The following ACYP2 variants were observed in gnomAD, a reference collection of about 807,000 sequenced individuals.
ACYP2 encodes acylphosphatase 2.
In ACYP2, 12 loss-of-function variants were observed where a neutral mutation model predicts 11.2. The observed-to-expected ratio is 1.08, with a 90% CI of 0.69 to 1.74. The LOEUF (loss-of-function observed/expected upper bound fraction) is 1.74. ACYP2 is among the 40% of genes most tolerant of loss of function. ACYP2 has a pLI of 0.00. For missense variants in ACYP2, 134 were observed against 101.9 expected (o/e 1.31, Z -1.35); for synonymous variants, 43 against 32.2 (o/e 1.33, Z -1.13).
rs550142135 is a variant in ACYP2, at chr2:54,035,009, C to CAAAAAAAAAAAAAA, written c.63-15939_63-15926dup. On this transcript the variant is annotated intron_variant, in intron 2 of 6. Coordinates refer to ENST00000607452, the MANE Select transcript of ACYP2 (RefSeq NM_001320586.2). Reference sequence around the variant, plus strand: ...CAGGCGACAGTGCGAGACTACATCTCAAAAAAAAAAAAAAAAAAAAAAAGC... The same window carrying CAAAAAAAAAAAAAA: ...CAGGCGACAGTGCGAGACTACATCTCAAAAAAAAAAAAAAAAAAAAAAAAAAAAAAAAAAAAAGC... Among the ~76,000 whole-genome samples the CAAAAAAAAAAAAAA allele has an allele frequency of 8.5e-4, 38 of 44,778 alleles. 5 individuals carry two copies. The highest frequency in any genetic ancestry group is 1.5e-3 in the Non-Finnish European group (29 of 18,950). 29.4% of individuals were successfully genotyped at this position (44,778 alleles called of 152,430 possible). A position where few individuals can be genotyped will look rare whatever the true frequency, so the allele number is the denominator to read the frequency against.
chr2:54,261,279 A>C (rs1687763791), intron 6 of ACYP2, among the ~76,000 whole-genome samples: 1 of 152,086 alleles, frequency 6.6e-6, no homozygotes. Flanking sequence ...GGAGCCTGAA[A>C]TATTCTGGCT....
chr2:54,184,225 C>G (rs1248340313), intron 6 of ACYP2, among the ~76,000 whole-genome samples: 1 of 152,030 alleles, frequency 6.6e-6, no homozygotes. Context: ...AACTCAGGGC[C>G]AGACATACAA....
intron 2 of ACYP2, among the ~76,000 whole-genome samples, chr2:54,005,729 T>C (rs1673031876): frequency 6.6e-6 from 1 of 152,224 alleles, no homozygotes; most frequent in Admixed American, 6.5e-5. Flanking sequence ...TCACTGTAGC[T>C]TTACAGTAAA....
intron 4 of ACYP2, among the ~76,000 whole-genome samples, chr2:54,083,260 T>C (rs1220779833): frequency 6.6e-6 from 1 of 152,144 alleles, no homozygotes; most frequent in African/African-American, 2.4e-5. Context: ...GCGAATGATG[T>C]CTCTCTTGAG....
intron 4 of ACYP2, among the ~76,000 whole-genome samples, chr2:54,076,812 C>T (rs1314885410): frequency 5.3e-5 from 8 of 152,094 alleles, no homozygotes; most frequent in Non-Finnish European, 1.2e-4. Flanking sequence ...ATATAGCTTG[C>T]ACAGTGTGTG....
intron 2 of ACYP2, among the ~76,000 whole-genome samples, chr2:54,022,264 C>A (rs1450057684): frequency 6.6e-6 from 1 of 152,066 alleles, no homozygotes; most frequent in Non-Finnish European, 1.5e-5. Context: ...TTACCCCTGA[C>A]AGGGTTCAGG....
chr2:54,219,498 T>G (rs1379070845), intron 6 of ACYP2, among the ~76,000 whole-genome samples: 1 of 152,150 alleles, frequency 6.6e-6, no homozygotes, highest in South Asian at 2.1e-4. Flanking sequence ...AGGAATAATA[T>G]GAGGGAGTGG....
chr2:54,029,804 G>C, intron 2 of ACYP2: 1 of 559,848 alleles, frequency 1.8e-6, no homozygotes, highest in Non-Finnish European at 3.4e-6. Flanking sequence ...GACACTTGGG[G>C]GGCATTCCTA....
chr2:54,090,508 G>C (rs1678169725), intron 4 of ACYP2, among the ~76,000 whole-genome samples: 1 of 152,102 alleles, frequency 6.6e-6, no homozygotes, highest in Non-Finnish European at 1.5e-5. Flanking sequence ...GCGTGCGCCT[G>C]GATTCCCAGC....
chr2:54,148,391 A>T (rs536258166), intron 6 of ACYP2, among the ~76,000 whole-genome samples: 1 of 152,348 alleles, frequency 6.6e-6, no homozygotes, highest in South Asian at 2.1e-4. Context: ...TAGACATGCC[A>T]TGTGTAATTG....
chr2:54,024,786 GA>G (rs1031811580), intron 2 of ACYP2, among the ~76,000 whole-genome samples: 4 of 152,096 alleles, frequency 2.6e-5, no homozygotes, highest in African/African-American at 9.7e-5. Flanking sequence ...TGGTAAAAAG[GA>G]AATCAAACTG....
At chr2:54,242,425 A>T (rs1479826433) in intron 6 of ACYP2, among the ~76,000 whole-genome samples, 1 of 152,222 alleles carries the variant, frequency 6.6e-6, no homozygotes, top group Admixed American at 6.5e-5. Context: ...TAAAATGGAA[A>T]ATTGGATTAT....
rs116635564 is a variant in ACYP2 at position 54,028,747 on chromosome 2, T to C, written c.63-22211T>C. Among the ~76,000 whole-genome samples the C allele has an allele frequency of 9.5e-3, 1,449 of 152,298 alleles. 30 individuals carry two copies. Among genetic ancestry groups the C allele is most frequent in the African/African-American group, 0.033 (1,363 of 41,560 alleles). ...ACTACTCTCCTAAAATCATCCACTC[T>C]TCCCCATCTCCCTTTCCCCTAAAAA... On this transcript the variant is annotated intron_variant, in intron 2 of 6. Transcript: ENST00000607452.
intron 6 of ACYP2, among the ~76,000 whole-genome samples, chr2:54,262,662 C>G (rs1186423655): frequency 7.8e-6 from 1 of 127,690 alleles, no homozygotes; most frequent in Non-Finnish European, 1.7e-5. Flanking sequence ...GAGTTTTGCT[C>G]TAATTCCTAT....
intron 2 of ACYP2, among the ~76,000 whole-genome samples, chr2:53,975,768 G>A (rs909793593): frequency 3.9e-5 from 6 of 152,106 alleles, no homozygotes; most frequent in Non-Finnish European, 1.5e-5. Flanking sequence ...GGAGGCAGAG[G>A]TTGCAGTGAG....
intron 2 of ACYP2, among the ~76,000 whole-genome samples, chr2:54,036,408 C>A (rs989703828): frequency 6.6e-6 from 1 of 152,186 alleles, no homozygotes; most frequent in East Asian, 1.9e-4. Flanking sequence ...GTCCCTTTTG[C>A]CATGTAAAGT....
At chr2:54,217,428 G>A (rs1427170758) in intron 6 of ACYP2, among the ~76,000 whole-genome samples, 4 of 152,158 alleles carry the variant, frequency 2.6e-5, no homozygotes, top group Non-Finnish European at 5.9e-5. Flanking sequence ...GTTCAGTGGT[G>A]CAATCACAGC....
intron 6 of ACYP2, chr2:54,255,586 G>A (rs1244405890): frequency 1.9e-6 from 3 of 1,613,516 alleles, no homozygotes; most frequent in Admixed American, 1.7e-5. Flanking sequence ...CCCGGGCCCA[G>A]GCCCTGCCTC....
chr2:54,048,178 C>T (rs1051541556), intron 2 of ACYP2, among the ~76,000 whole-genome samples: 7 of 152,056 alleles, frequency 4.6e-5, no homozygotes, highest in East Asian at 1.9e-4. Flanking sequence ...GTAATCCCAG[C>T]GCTTTGGGAG....
Sources: gnomAD v4.1 joint callset for allele counts (sites outside exome capture counted in the v4.1 genomes callset) on GRCh38, gnomAD v4.1.1 for gene constraint, MANE v1.5 for transcripts, NCBI Gene and HGNC (gene_info 2026-07-23, HGNC 2026-07-21) for gene names.